Variants in INTS6 observed in about 807,000 individuals in gnomAD.
The protein encoded by INTS6 is DEAD box protein.
INTS6 carries 16 observed loss-of-function variants against 104.9 expected under a neutral mutation model. That is an observed-to-expected ratio of 0.15 (90% CI 0.10 to 0.23). INTS6 has a LOEUF of 0.23. Among genes scored for constraint, INTS6 ranks in the 10% least tolerant of loss-of-function variants. The probability of loss-of-function intolerance (pLI) is 1.00; values close to 1 mark genes in which losing one functional copy is unlikely to be tolerated. For missense variants in INTS6, 584 were observed against 1,062.8 expected (o/e 0.55, Z 6.26); for synonymous variants, 324 against 358.7 (o/e 0.90, Z 1.09).
At chr13:51,427,860 A>G (rs1384129730) in intron 4 of INTS6, among the ~76,000 whole-genome samples, 1 of 152,216 alleles carries the variant, frequency 6.6e-6, no homozygotes, top group Non-Finnish European at 1.5e-5. Context: ...CTCTGCCCAC[A>G]GGAAAATCTT....
intron 11 of INTS6, among the ~76,000 whole-genome samples, chr13:51,378,823 C>T (rs1955987949): frequency 6.6e-6 from 1 of 152,002 alleles, no homozygotes. Context: ...TTATGTAAGA[C>T]ATTTTTACTA....
intron 4 of INTS6, among the ~76,000 whole-genome samples, chr13:51,406,686 T>C (rs1956573575): frequency 1.3e-5 from 2 of 152,172 alleles, no homozygotes; most frequent in Admixed American, 6.6e-5. Flanking sequence ...ATTGCTTTTA[T>C]ATTAATAATA....
chr13:51,383,821 C>A (rs1956092447), intron 7 of INTS6, 80 bp from the exon 8 acceptor site: 3 of 1,229,336 alleles, frequency 2.4e-6, no homozygotes, highest in Non-Finnish European at 3.4e-6. Context: ...TCAAAATTTA[C>A]TCAGTTCCTC....
the INTS6 span, chr13:51,341,179 A>C: frequency 6.2e-7 from 1 of 1,614,026 alleles, no homozygotes; most frequent in Non-Finnish European, 8.5e-7. Flanking sequence ...GACATTGCTG[A>C]AGACTGAGTT....
chr13:51,409,154 T>G (rs538722217), intron 4 of INTS6, among the ~76,000 whole-genome samples: 2 of 151,852 alleles, frequency 1.3e-5, no homozygotes, highest in East Asian at 1.9e-4. Context: ...TTTAGCACCA[T>G]GAGTTTGAAA....
chr13:51,366,287 GGAA>G (rs1955686794), intron 17 of INTS6, among the ~76,000 whole-genome samples: 1 of 151,974 alleles, frequency 6.6e-6, no homozygotes, highest in South Asian at 2.1e-4. Context: ...CCCACAAAAT[GGAA>G]GAAGAAATGA....
intron 6 of INTS6, among the ~76,000 whole-genome samples, 161 bp downstream of exon 6, chr13:51,389,158 A>C (rs899076243): frequency 3.9e-5 from 6 of 152,204 alleles, no homozygotes; most frequent in Non-Finnish European, 8.8e-5. Flanking sequence ...CTATTAGTTT[A>C]CCTTGACTTT....
the INTS6 span, among the ~76,000 whole-genome samples, chr13:51,337,673 C>A: frequency 1.3e-5 from 2 of 152,156 alleles, no homozygotes; most frequent in African/African-American, 4.8e-5. Flanking sequence ...TTAGTTTCTT[C>A]ATCTGCAAAA....
intron 4 of INTS6, among the ~76,000 whole-genome samples, chr13:51,421,683 T>C (rs1247018465): frequency 1.3e-5 from 2 of 151,916 alleles, no homozygotes; most frequent in Non-Finnish European, 2.9e-5. Flanking sequence ...TACAAGAGAG[T>C]GCACCATCAG....
intron 4 of INTS6, among the ~76,000 whole-genome samples, chr13:51,416,498 T>C (rs575879016): frequency 6.6e-6 from 1 of 152,352 alleles, no homozygotes; most frequent in Non-Finnish European, 1.5e-5. Context: ...TAGCCTTTTG[T>C]GTCTGGCTTT....
At chr13:51,380,699 A>G (rs1224842625) in intron 10 of INTS6, among the ~76,000 whole-genome samples, 1 of 152,198 alleles carries the variant, frequency 6.6e-6, no homozygotes, top group Admixed American at 6.5e-5. Context: ...CTGCATCAAA[A>G]CAGAATACAT....
intron 12 of INTS6, among the ~76,000 whole-genome samples, 197 bp from the exon 13 acceptor site, chr13:51,376,371 CCAAA>C (rs1167253937): frequency 2.2e-4 from 33 of 152,000 alleles, no homozygotes; most frequent in Admixed American, 3.3e-4. Flanking sequence ...GTGAGCTCAA[CCAAA>C]CAATCTCAAT....
In INTS6 at chr13:51,449,705, A is replaced by G. The variant is rs144525182; in HGVS notation, c.339+1320T>C. ...AAGCAGTAAGACTGTGTTGCACTAC[A>G]TATCACAAAGGAATATAAAAGAGAA... On this transcript the variant is annotated intron_variant, in intron 3 of 17. Transcript: ENST00000311234. The G allele has an allele frequency of 1.3e-4, 129 of 985,402 alleles. No individual in the cohort carries two copies. In the East Asian group the frequency reaches 0.01, roughly 77 times the overall value. 61.0% of individuals were successfully genotyped at this position (985,402 alleles called of 1,614,324 possible).
chr13:51,338,577 G>A, the INTS6 span, among the ~76,000 whole-genome samples: 1 of 152,196 alleles, frequency 6.6e-6, no homozygotes, highest in Non-Finnish European at 1.5e-5. Flanking sequence ...ATGGATGAAT[G>A]ATATGCCCTC....
intron 4 of INTS6, among the ~76,000 whole-genome samples, chr13:51,398,459 G>A (rs1459420032): frequency 6.6e-6 from 1 of 152,132 alleles, no homozygotes; most frequent in Non-Finnish European, 1.5e-5. Context: ...GTAGGAAGAT[G>A]ATGAAATACA....
chr13:51,372,247 C>A (rs79199726), intron 15 of INTS6, among the ~76,000 whole-genome samples: 1 of 151,920 alleles, frequency 6.6e-6, no homozygotes, highest in Non-Finnish European at 1.5e-5. Flanking sequence ...TCCACAGAAA[C>A]TGCTCTTGCT....
At chr13:51,446,034 G>A (rs1952909267) in intron 3 of INTS6, 1 of 152,178 alleles carries the variant, frequency 6.6e-6, no homozygotes, top group Non-Finnish European at 1.5e-5. Flanking sequence ...TTTTGTGGAT[G>A]ACACCAAAGG....
intron 17 of INTS6, among the ~76,000 whole-genome samples, chr13:51,366,646 G>GA (rs1955697203): frequency 6.6e-6 from 1 of 151,986 alleles, no homozygotes; most frequent in Non-Finnish European, 1.5e-5. Context: ...TTAGCTGACA[G>GA]AATGTTACCA....
chr13:51,375,335 G>C (rs1008640697), intron 13 of INTS6, among the ~76,000 whole-genome samples: 9 of 140,494 alleles, frequency 6.4e-5, no homozygotes, highest in African/African-American at 1.7e-4. Context: ...CTGGGCGACA[G>C]AGCAAGGCTC....
Sources: gnomAD v4.1 joint callset for allele counts (sites outside exome capture counted in the v4.1 genomes callset) on GRCh38, gnomAD v4.1.1 for gene constraint, MANE v1.5 for transcripts, NCBI Gene and HGNC (gene_info 2026-07-23, HGNC 2026-07-21) for gene names.